The following PPARGC1A variants were observed in gnomAD, a reference collection of about 807,000 sequenced individuals.
The protein encoded by PPARGC1A is PPARG coactivator 1 alpha.
Under a neutral mutation model 88.7 loss-of-function variants are expected in PPARGC1A, and 25 were observed. The ratio of observed to expected loss-of-function variants is 0.28; its 90% confidence interval spans 0.21 to 0.39. The LOEUF is 0.39. Among genes scored for constraint, PPARGC1A ranks in the 10% least tolerant of loss-of-function variants. PPARGC1A has a pLI of 1.00. For missense variants in PPARGC1A, 880 were observed against 968.7 expected, an observed-to-expected ratio of 0.91 and a Z score of 1.22; for synonymous variants, 363 against 355.6, an observed-to-expected ratio of 1.02 and a Z score of -0.24.
the PPARGC1A span, among the ~76,000 whole-genome samples, chr4:24,351,825 G>GT: frequency 4.7e-4 from 71 of 150,832 alleles, no homozygotes; most frequent in Middle Eastern, 3.4e-3. Flanking sequence ...TTGTTTTTTT[G>GT]TTTTTTTTTA....
At chr4:23,981,094 A>G in the PPARGC1A span, among the ~76,000 whole-genome samples, 1 of 151,814 alleles carries the variant, frequency 6.6e-6, no homozygotes, top group African/African-American at 2.4e-5. Flanking sequence ...AACACATTTA[A>G]ACCACATTAT....
At chr4:24,156,433 A>G in the PPARGC1A span, among the ~76,000 whole-genome samples, 14 of 152,022 alleles carry the variant, frequency 9.2e-5, no homozygotes, top group Non-Finnish European at 1.8e-4. Context: ...ATTCAACTCA[A>G]CAGAAGCTTG....
the PPARGC1A span, among the ~76,000 whole-genome samples, chr4:24,053,131 A>G: frequency 6.6e-6 from 1 of 151,526 alleles, no homozygotes; most frequent in East Asian, 1.9e-4. Flanking sequence ...TCGGCCTCCC[A>G]AAGTGCCAGG....
intron 2 of PPARGC1A, among the ~76,000 whole-genome samples, chr4:23,834,324 C>A (rs1326323596): frequency 2.6e-5 from 4 of 151,142 alleles, no homozygotes; most frequent in Admixed American, 6.6e-5. Context: ...TATATACACA[C>A]ACACATATAT....
chr4:24,379,501 A>G, the PPARGC1A span, among the ~76,000 whole-genome samples: 151,731 of 152,192 alleles, frequency 1, 75,637 homozygotes, highest in Middle Eastern at 1. Flanking sequence ...ATCATTATAC[A>G]TTCTATGCAT....
chr4:23,920,118 G>A, the PPARGC1A span, among the ~76,000 whole-genome samples: 24 of 152,230 alleles, frequency 1.6e-4, 1 homozygote, highest in Non-Finnish European at 3.1e-4. Context: ...AGCAAGAAGA[G>A]AGGTATGCAT....
At chr4:24,136,982 C>T in the PPARGC1A span, among the ~76,000 whole-genome samples, 2 of 151,820 alleles carry the variant, frequency 1.3e-5, no homozygotes, top group African/African-American at 4.8e-5. Flanking sequence ...GGTGTGGTGG[C>T]ATGTGCCTAA....
chr4:23,838,296 A>G (rs527861418), intron 2 of PPARGC1A, among the ~76,000 whole-genome samples: 44 of 152,118 alleles, frequency 2.9e-4, no homozygotes, highest in Non-Finnish European at 6.0e-4. Context: ...CACTGACAGT[A>G]TATCTGTGCC....
the PPARGC1A span, among the ~76,000 whole-genome samples, chr4:24,098,707 T>A: frequency 6.6e-6 from 1 of 152,230 alleles, no homozygotes; most frequent in African/African-American, 2.4e-5. Flanking sequence ...CATTACTATG[T>A]CTTTCTATAA....
chr4:24,044,798 G>T, the PPARGC1A span, among the ~76,000 whole-genome samples: 6 of 152,258 alleles, frequency 3.9e-5, no homozygotes, highest in African/African-American at 1.4e-4. Context: ...CAGCTGGCAG[G>T]CCACTTAGGC....
At position 23,831,757 on chromosome 4, in the gene PPARGC1A, G is replaced by A. The variant is rs1480045216; in HGVS notation, c.235-6C>T. 1.2e-6 allele frequency: 2 copies of A among 1,603,072 alleles called. No individual in the cohort carries two copies. The highest frequency in any genetic ancestry group is 1.7e-6 in the Non-Finnish European group (2 of 1,171,340). On this transcript the variant is annotated splice_region_variant and splice_polypyrimidine_tract_variant and intron_variant, in intron 2 of 12. Coordinates refer to ENST00000264867, the MANE Select transcript of PPARGC1A (RefSeq NM_013261.5). ...TCATTCTCTTCATCTATCTTCTGCA[G>A]AAAGAGAAAAAAACAGAAGATGTGA...
the PPARGC1A span, among the ~76,000 whole-genome samples, chr4:24,387,946 A>AAGAAAGAAAG: frequency 6.5e-5 from 9 of 137,582 alleles, 1 homozygote; most frequent in African/African-American, 2.8e-4. Flanking sequence ...GAAAGAAAGA[A>AAGAAAGAAAG]AGAAAGAAAG....
the PPARGC1A span, among the ~76,000 whole-genome samples, chr4:24,318,707 T>C: frequency 6.6e-6 from 1 of 152,252 alleles, no homozygotes; most frequent in South Asian, 2.1e-4. Flanking sequence ...TCTCTGATAT[T>C]ATCAGAATAG....
At chr4:24,444,933 G>T in the PPARGC1A span, among the ~76,000 whole-genome samples, 2 of 152,084 alleles carry the variant, frequency 1.3e-5, no homozygotes, top group East Asian at 3.9e-4. Context: ...CACACCTGTA[G>T]TCCCAGCTAC....
At chr4:23,940,171 A>G in the PPARGC1A span, among the ~76,000 whole-genome samples, 1 of 152,336 alleles carries the variant, frequency 6.6e-6, no homozygotes, top group Admixed American at 6.5e-5. Flanking sequence ...AATTTATCAA[A>G]CATGTATTAA....
chr4:23,997,019 A>G, the PPARGC1A span, among the ~76,000 whole-genome samples: 80 of 152,334 alleles, frequency 5.3e-4, no homozygotes, highest in African/African-American at 1.9e-3. Context: ...TGCTATGATC[A>G]ATTAGTGATG....
the PPARGC1A span, among the ~76,000 whole-genome samples, chr4:24,129,535 A>G: frequency 6.6e-6 from 1 of 152,224 alleles, no homozygotes; most frequent in East Asian, 1.9e-4. Context: ...TTTAATAACA[A>G]TAAAAATAAT....
At chr4:24,115,450 G>A in the PPARGC1A span, among the ~76,000 whole-genome samples, 14 of 152,046 alleles carry the variant, frequency 9.2e-5, no homozygotes, top group African/African-American at 3.4e-4. Context: ...AAAAAACCGA[G>A]TACCCTGGCA....
chr4:24,227,162 G>T, the PPARGC1A span, among the ~76,000 whole-genome samples: 4 of 151,830 alleles, frequency 2.6e-5, no homozygotes, highest in Non-Finnish European at 5.9e-5. Flanking sequence ...TCGGCTCACT[G>T]CAACCTCTGC....
Sources: allele counts gnomAD v4.1 joint callset (sites outside exome capture counted in the v4.1 genomes callset), GRCh38; gene constraint gnomAD v4.1.1; transcripts MANE v1.5; gene names NCBI Gene and HGNC (gene_info 2026-07-23, HGNC 2026-07-21).